Variants in DCUN1D3 observed in about 807,000 individuals in gnomAD.
DCUN1D3 encodes defective in cullin neddylation 1 domain containing 3, also known as DCN1-like protein 3.
DCUN1D3 carries 6 observed loss-of-function variants against 24.8 expected under a neutral mutation model. That is an observed-to-expected ratio of 0.24 (90% CI 0.13 to 0.48). The LOEUF is 0.48. Ranked by LOEUF, DCUN1D3 falls within the 20% of genes least tolerant of loss-of-function variation. DCUN1D3 has a pLI of 0.99. For missense variants in DCUN1D3, 258 were observed against 379.4 expected (o/e 0.68, Z 2.66); for synonymous variants, 120 against 144.9 (o/e 0.83, Z 1.24).
At chr16:20,878,618 C>T (rs1301371158) in intron 1 of DCUN1D3, among the ~76,000 whole-genome samples, 1 of 152,176 alleles carries the variant, frequency 6.6e-6, no homozygotes, top group Non-Finnish European at 1.5e-5. Context: ...GATGCAGGAG[C>T]AACAGCCAGC....
intron 1 of DCUN1D3, among the ~76,000 whole-genome samples, chr16:20,888,263 T>A (rs1245649505): frequency 2.0e-5 from 3 of 152,186 alleles, no homozygotes; most frequent in Non-Finnish European, 4.4e-5. Flanking sequence ...CACTGTGCCA[T>A]GTCCTTCGAA....
At chr16:20,862,945 G>C (rs978615542) in intron 1 of DCUN1D3, among the ~76,000 whole-genome samples, 2 of 152,174 alleles carry the variant, frequency 1.3e-5, no homozygotes, top group African/African-American at 4.8e-5. Context: ...ATATTCCAGA[G>C]GAAATCTGTC....
chr16:20,884,890 G>A (rs1207426290), intron 1 of DCUN1D3, among the ~76,000 whole-genome samples: 1 of 151,952 alleles, frequency 6.6e-6, no homozygotes, highest in Non-Finnish European at 1.5e-5. Context: ...CACTCAGCCT[G>A]GGCAACAGAG....
intron 1 of DCUN1D3, among the ~76,000 whole-genome samples, chr16:20,895,361 G>A (rs1203769949): frequency 6.6e-6 from 1 of 152,128 alleles, no homozygotes; most frequent in African/African-American, 2.4e-5. Context: ...AAAACAAAAA[G>A]GGGGCAGGTA....
At chr16:20,894,011 A>T (rs753337622) in intron 1 of DCUN1D3, among the ~76,000 whole-genome samples, 4 of 152,192 alleles carry the variant, frequency 2.6e-5, no homozygotes, top group Non-Finnish European at 4.4e-5. Flanking sequence ...TCACGCCTGT[A>T]ACCCCAGCAC....
At chr16:20,866,500 G>C (rs1160263831) in intron 1 of DCUN1D3, among the ~76,000 whole-genome samples, 3 of 152,054 alleles carry the variant, frequency 2.0e-5, no homozygotes, top group African/African-American at 7.2e-5. Flanking sequence ...AAATCCTGGC[G>C]CCAAGGCCTT....
chr16:20,898,705 CAGA>C (rs900442836), intron 1 of DCUN1D3, among the ~76,000 whole-genome samples: 12 of 152,222 alleles, frequency 7.9e-5, no homozygotes, highest in Non-Finnish European at 1.6e-4. Context: ...AGCTCAGTTA[CAGA>C]AGGACAGGAC....
chr16:20,884,107 A>G (rs1232755716), intron 1 of DCUN1D3, among the ~76,000 whole-genome samples: 2 of 152,186 alleles, frequency 1.3e-5, no homozygotes, highest in Non-Finnish European at 2.9e-5. Context: ...ACTATGTTGT[A>G]CATCTTTCCT....
chr16:20,891,417 A>G (rs2081891901), intron 1 of DCUN1D3, among the ~76,000 whole-genome samples: 1 of 152,228 alleles, frequency 6.6e-6, no homozygotes, highest in Non-Finnish European at 1.5e-5. Context: ...GCCACTATCC[A>G]GTGTTCTCTA....
chr16:20,868,737 GC>G (rs1327700929), intron 1 of DCUN1D3, among the ~76,000 whole-genome samples: 1 of 152,092 alleles, frequency 6.6e-6, no homozygotes, highest in Non-Finnish European at 1.5e-5. Flanking sequence ...CCATTCTCCT[GC>G]ATTAGCAAGG....
At chr16:20,873,520 A>G (rs572475543) in intron 1 of DCUN1D3, among the ~76,000 whole-genome samples, 15 of 152,324 alleles carry the variant, frequency 9.8e-5, no homozygotes, top group South Asian at 2.1e-4. Context: ...GAAGACTAAC[A>G]TGGGCTGTCA....
Position 20,860,209 on chromosome 16 carries a change from G to A in DCUN1D3, c.592C>T (p.Arg198Trp), listed in dbSNP as rs909974055. Residue 198 changes from arginine to tryptophan, a missense_variant, in exon 3 of 3, where the codon CGG becomes TGG. Physicochemically the swap from Arg to Trp is moderately radical, Grantham distance 101. Transcript: ENST00000324344. This position sits in a 1 kb window ranked among gnomAD's most constrained non-coding sequence, Gnocchi z 4.3. ...QFGLDSEEGQ[R>W]SLHREIAIAL... ...ATGGCTATTTCCCGATGCAGTGACC[G>A]CTGCCCTTCTTCAGAGTCCAGGCCA... 17 of 1,614,062 alleles carry A rather than the reference G, an allele frequency of 1.1e-5. No homozygotes were observed. Among genetic ancestry groups the A allele is most frequent in the South Asian group, 2.2e-5 (2 of 91,084 alleles).
At chr16:20,873,943 A>G (rs2081802013) in intron 1 of DCUN1D3, among the ~76,000 whole-genome samples, 1 of 152,250 alleles carries the variant, frequency 6.6e-6, no homozygotes, top group African/African-American at 2.4e-5. Context: ...AGCAGTATGA[A>G]GAGACAAAGG....
rs749220210 is a variant in DCUN1D3 at position 20,862,377 on chromosome 16, G to A, written c.162C>T (p.Asn54=). 25 of 1,613,954 alleles carry A rather than the reference G, an allele frequency of 1.5e-5. No individual in the cohort carries two copies. The highest frequency in any genetic ancestry group is 1.0e-4 in the Admixed American group (6 of 60,000). The change falls in exon 2 of 3, where the codon AAC becomes AAT. Residue 54 remains asparagine, a synonymous_variant. Transcript: ENST00000324344. The part of the protein sequence containing the change: ...CGKPGGDILV[N]GTKKAEAATE... ...TGGCAGCCTCGGCCTTCTTGGTCCC[G>A]TTGACGAGGATATCTCCACCTGGCT... is the stretch of plus-strand genomic sequence containing the variant.
intron 1 of DCUN1D3, among the ~76,000 whole-genome samples, chr16:20,867,772 G>A (rs2152516611): frequency 6.6e-6 from 1 of 152,334 alleles, no homozygotes; most frequent in Middle Eastern, 3.4e-3. Context: ...CCAGGCCTCA[G>A]ATTCCACAGG....
At chr16:20,889,396 G>A (rs2152518745) in intron 1 of DCUN1D3, among the ~76,000 whole-genome samples, 1 of 151,916 alleles carries the variant, frequency 6.6e-6, no homozygotes, top group South Asian at 2.1e-4. Context: ...AAAAAAAAAG[G>A]TAACATGAAA....
chr16:20,887,921 A>G (rs1464172564), intron 1 of DCUN1D3, among the ~76,000 whole-genome samples: 1 of 152,204 alleles, frequency 6.6e-6, no homozygotes, highest in Non-Finnish European at 1.5e-5. Flanking sequence ...AGACTTATAC[A>G]GGCTCCATAG....
intron 1 of DCUN1D3, among the ~76,000 whole-genome samples, chr16:20,869,673 A>G (rs2152516793): frequency 6.6e-6 from 1 of 152,232 alleles, no homozygotes; most frequent in East Asian, 1.9e-4. Context: ...ATGTATATTA[A>G]TAACAATATT....
At chr16:20,882,460 T>G (rs903642305) in intron 1 of DCUN1D3, among the ~76,000 whole-genome samples, 13 of 151,988 alleles carry the variant, frequency 8.6e-5, no homozygotes, top group African/African-American at 3.1e-4. Context: ...AGACGGGGTA[T>G]CTCCATGTTG....
Sources: allele counts gnomAD v4.1 joint callset (sites outside exome capture counted in the v4.1 genomes callset), GRCh38; gene constraint gnomAD v4.1.1; non-coding constraint Gnocchi (gnomAD v3.1); transcripts MANE v1.5; gene names NCBI Gene and HGNC (gene_info 2026-07-23, HGNC 2026-07-21).